The following HS6ST3 variants were observed in gnomAD, a reference collection of about 807,000 sequenced individuals.
HS6ST3 encodes heparan sulfate 6-O-sulfotransferase 3.
In HS6ST3, 12 loss-of-function variants were observed where a neutral mutation model predicts 36.7. The ratio of observed to expected loss-of-function variants is 0.33; its 90% CI spans 0.21 to 0.53. HS6ST3 has a LOEUF of 0.53. Among genes scored for constraint, HS6ST3 ranks in the 20% least tolerant of loss-of-function variants. The pLI is 0.95. For missense variants in HS6ST3, 584 were observed against 640.9 expected (o/e 0.91, Z 0.96); for synonymous variants, 240 against 257.5 (o/e 0.93, Z 0.65).
chr13:96,497,661 G>T (rs1237474446), intron 1 of HS6ST3, among the ~76,000 whole-genome samples: 1 of 152,094 alleles, frequency 6.6e-6, no homozygotes, highest in Non-Finnish European at 1.5e-5. Context: ...GTCATGTTCT[G>T]CTTCTGCCCC....
At chr13:96,157,854 C>G (rs775389780) in intron 1 of HS6ST3, among the ~76,000 whole-genome samples, 2 of 152,104 alleles carry the variant, frequency 1.3e-5, no homozygotes, top group Non-Finnish European at 2.9e-5. Flanking sequence ...ATTAGCTCAA[C>G]GAAGCAGATA....
intron 1 of HS6ST3, among the ~76,000 whole-genome samples, chr13:96,332,911 G>T (rs1288347001): frequency 1.3e-5 from 2 of 152,136 alleles, no homozygotes; most frequent in Non-Finnish European, 2.9e-5. Flanking sequence ...AAGTCATTAG[G>T]GCTGAAAGAT....
chr13:96,132,861 C>T (rs2053983023), intron 1 of HS6ST3, among the ~76,000 whole-genome samples: 1 of 152,056 alleles, frequency 6.6e-6, no homozygotes, highest in South Asian at 2.1e-4. Context: ...ATTTGCATTT[C>T]CCTGACGATT....
intron 1 of HS6ST3, among the ~76,000 whole-genome samples, chr13:96,670,648 G>A (rs1462416397): frequency 6.6e-6 from 1 of 152,098 alleles, no homozygotes; most frequent in Non-Finnish European, 1.5e-5. Flanking sequence ...GGTTGTATGA[G>A]TACAGATGAA....
At chr13:96,528,365 T>C (rs1443969383) in intron 1 of HS6ST3, among the ~76,000 whole-genome samples, 1 of 152,190 alleles carries the variant, frequency 6.6e-6, no homozygotes, top group Non-Finnish European at 1.5e-5. Flanking sequence ...ACAAATGACA[T>C]TATTTGTTGC....
intron 1 of HS6ST3, among the ~76,000 whole-genome samples, chr13:96,120,675 G>T (rs770707052): frequency 8.6e-5 from 13 of 151,880 alleles, no homozygotes; most frequent in Non-Finnish European, 1.9e-4. Context: ...TATTTTACTT[G>T]GTTTTTTCTG....
chr13:96,163,790 T>C (rs2054148545), intron 1 of HS6ST3, among the ~76,000 whole-genome samples: 1 of 152,220 alleles, frequency 6.6e-6, no homozygotes, highest in African/African-American at 2.4e-5. Context: ...CATTCTGTTG[T>C]GGTAAATTCT....
intron 1 of HS6ST3, among the ~76,000 whole-genome samples, chr13:96,385,180 CAAA>C (rs11317656): frequency 1.7e-4 from 22 of 129,314 alleles, no homozygotes; most frequent in Middle Eastern, 3.7e-3. Flanking sequence ...ACTCTGTATC[CAAA>C]AAAAAAAAAA....
intron 1 of HS6ST3, among the ~76,000 whole-genome samples, chr13:96,220,351 T>C (rs1407972440): frequency 6.6e-6 from 1 of 152,188 alleles, no homozygotes; most frequent in Non-Finnish European, 1.5e-5. Context: ...ATCATTAAAG[T>C]TTTAAAATTT....
intron 1 of HS6ST3, among the ~76,000 whole-genome samples, chr13:96,128,622 T>G (rs535212409): frequency 7.4e-4 from 112 of 152,264 alleles, no homozygotes; most frequent in Non-Finnish European, 1.3e-3. Context: ...CATGCGGGAA[T>G]TGCATTTGAT....
At chr13:96,694,896 A>G (rs1875082019) in intron 1 of HS6ST3, among the ~76,000 whole-genome samples, 1 of 152,132 alleles carries the variant, frequency 6.6e-6, no homozygotes, top group Non-Finnish European at 1.5e-5. Flanking sequence ...CTTGATATAT[A>G]TGCATGTGCA....
intron 1 of HS6ST3, among the ~76,000 whole-genome samples, chr13:96,202,617 G>A (rs747629337): frequency 2.0e-5 from 3 of 152,158 alleles, no homozygotes; most frequent in Non-Finnish European, 4.4e-5. Flanking sequence ...AGAGTTGCCC[G>A]AGAAGGCAGA....
intron 1 of HS6ST3, among the ~76,000 whole-genome samples, chr13:96,817,187 A>C (rs1878440067): frequency 6.6e-6 from 1 of 152,170 alleles, no homozygotes. Flanking sequence ...GGGGTGCACG[A>C]TGTAGGAGAA....
chr13:96,658,292 T>G (rs113968531), intron 1 of HS6ST3, among the ~76,000 whole-genome samples: 6 of 111,308 alleles, frequency 5.4e-5, no homozygotes, highest in African/African-American at 1.8e-4. Context: ...TTTTTTTTTT[T>G]TTTTTTGAGA....
rs559791334 is a variant in HS6ST3 at position 96,217,026 on chromosome 13, C to T, written c.707+125457C>T. Among the ~76,000 whole-genome samples, 168 of 152,258 alleles carry T rather than the reference C, an allele frequency of 1.1e-3. 1 individual carries two copies. Among genetic ancestry groups the T allele is most frequent in the African/African-American group, 4.0e-3 (167 of 41,550 alleles). ...GTCTTCTCTCTCTTTCTGTGTTCCGCCTGCACCCCCAGGGTGTGGGTCTGG... is the reference window on the plus strand; with the variant it reads ...GTCTTCTCTCTCTTTCTGTGTTCCGTCTGCACCCCCAGGGTGTGGGTCTGG... On this transcript the variant is annotated intron_variant, in intron 1 of 1. Transcript: ENST00000376705.
chr13:96,654,749 A>C (rs1033996466), intron 1 of HS6ST3, among the ~76,000 whole-genome samples: 14 of 152,228 alleles, frequency 9.2e-5, no homozygotes, highest in Non-Finnish European at 5.9e-5. Flanking sequence ...ATTTTTTTAA[A>C]CTACTGCTTG....
At chr13:96,363,604 T>G (rs11616976) in intron 1 of HS6ST3, among the ~76,000 whole-genome samples, 2,403 of 152,330 alleles carry the variant, frequency 0.016, 32 homozygotes, top group East Asian at 0.055. Context: ...CTTATCTTTT[T>G]TAAACACTTG....
At chr13:96,572,571 G>C (rs2056304656) in intron 1 of HS6ST3, among the ~76,000 whole-genome samples, 1 of 149,970 alleles carries the variant, frequency 6.7e-6, no homozygotes, top group East Asian at 2.0e-4. Context: ...CAAAATAATT[G>C]ATTTGTATTT....
chr13:96,360,996 A>G (rs1056171131), intron 1 of HS6ST3, among the ~76,000 whole-genome samples: 5 of 151,894 alleles, frequency 3.3e-5, no homozygotes, highest in Admixed American at 3.3e-4. Context: ...TTTTTCTACC[A>G]TATATTTGTG....
Sources: allele counts gnomAD v4.1 joint callset (sites outside exome capture counted in the v4.1 genomes callset), GRCh38; gene constraint gnomAD v4.1.1; transcripts MANE v1.5; gene names NCBI Gene and HGNC (gene_info 2026-07-23, HGNC 2026-07-21).